The following ZNF462 variants were observed in gnomAD, a reference collection of about 807,000 sequenced individuals.
ZNF462 encodes the protein zinc finger protein 462, also known as zinc finger PBX1-interacting protein.
A neutral mutation model predicts 201.9 loss-of-function variants in ZNF462; 10 were observed. The ratio of observed to expected loss-of-function variants is 0.05; its 90% CI spans 0.03 to 0.08. The LOEUF is 0.08. Ranked by LOEUF, ZNF462 falls within the 10% of genes least tolerant of loss-of-function variation. ZNF462 has a pLI of 1.00. For synonymous variants in ZNF462, 1,227 were observed against 1,193.3 expected (o/e 1.03, Z -0.58); for missense variants, 2,523 against 3,168.3 (o/e 0.80, Z 4.89).
In ZNF462 at chr9:106,974,478, G is replaced by A; in HGVS notation, c.6832+205G>A. On this transcript the variant is annotated intron_variant, in intron 9 of 12. Coordinates refer to ENST00000277225, the MANE Select transcript of ZNF462 (RefSeq NM_021224.6). This position sits in a 1 kb window ranked among gnomAD's most constrained non-coding sequence, Gnocchi z 4.0. Reference sequence around the variant, plus strand: ...TGGGAGTATTTCCTCCACCTGGAGGGAGGCAAAGGTGATGGATTCTGCAGT... The same window carrying A: ...TGGGAGTATTTCCTCCACCTGGAGGAAGGCAAAGGTGATGGATTCTGCAGT... 1.4e-6 allele frequency: 1 copy of A among 708,506 alleles called. No homozygotes were observed. Among genetic ancestry groups the A allele is most frequent in the Non-Finnish European group, 2.4e-6 (1 of 410,114 alleles). The allele number at this position is 708,506 out of a possible 1,614,324, so 43.9% of individuals were successfully genotyped here.
At chr9:106,957,957 C>G (rs1478844226) in intron 7 of ZNF462, among the ~76,000 whole-genome samples, 1 of 152,052 alleles carries the variant, frequency 6.6e-6, no homozygotes, top group Non-Finnish European at 1.5e-5. Context: ...TTCTTTCCTT[C>G]CCATAGGTAG....
rs566662908 is a variant in ZNF462 at position 106,986,195 on chromosome 9, A to G, written c.7056+1786A>G. On this transcript the variant is annotated intron_variant, in intron 10 of 12. Transcript: ENST00000277225. ...GGAAATCCAGAAAATGTTAGAAACCATAGAACCAGAGGGTTCCTCAGCAGT... is the reference window on the plus strand; with the variant it reads ...GGAAATCCAGAAAATGTTAGAAACCGTAGAACCAGAGGGTTCCTCAGCAGT... Among the ~76,000 whole-genome samples, 34 of 152,292 alleles carry G rather than the reference A, an allele frequency of 2.2e-4. No homozygotes were observed. In the East Asian group the frequency reaches 4.4e-3, roughly 20 times the overall value.
Position 106,872,449 on chromosome 9 carries a change from G to C in ZNF462, c.-31+9094G>C, listed in dbSNP as rs1827633803. Among the ~76,000 whole-genome samples, 1 of 152,142 alleles carries C rather than the reference G, an allele frequency of 6.6e-6. No homozygotes were observed. The highest frequency in any genetic ancestry group is 2.1e-4 in the South Asian group (1 of 4,826). On this transcript the variant is annotated intron_variant, in intron 1 of 12. Transcript: ENST00000277225. The surrounding 1 kb of genome is among the most constrained non-coding windows in gnomAD (Gnocchi z 4.5). ...CACGATCTCCACTTAAGCAACTGCT[G>C]CCTCCCAGGTTCAAGCAATTCTCCT...
intron 1 of ZNF462, among the ~76,000 whole-genome samples, chr9:106,864,102 CTCTCTCT>C (rs1564062816): frequency 4.9e-5 from 6 of 123,594 alleles, no homozygotes; most frequent in African/African-American, 1.2e-4. Flanking sequence ...CTCTCTCTCT[CTCTCTCT>C]CCCTCTCCCC....
Position 107,011,122 on chromosome 9 carries a change from A to C in ZNF462, c.*92A>C. ...GGCTGAGAAGGGAGGGACAGAAAAGAGAAGACAGAACAAAGCTGCTTTTTA... is the reference window on the plus strand; with the variant it reads ...GGCTGAGAAGGGAGGGACAGAAAAGCGAAGACAGAACAAAGCTGCTTTTTA... On this transcript the variant is annotated 3_prime_UTR_variant, in exon 13 of 13. Coordinates refer to ENST00000277225, the MANE Select transcript of ZNF462 (RefSeq NM_021224.6). This position sits in a 1 kb window ranked among gnomAD's most constrained non-coding sequence, Gnocchi z 5.6. 7.6e-7 allele frequency: 1 copy of C among 1,315,202 alleles called. No individual in the cohort carries two copies. Among genetic ancestry groups the C allele is most frequent in the Admixed American group, 1.9e-5 (1 of 51,962 alleles). The allele number at this position is 1,315,202 out of a possible 1,614,324, so 81.5% of individuals were successfully genotyped here.
In ZNF462 at chr9:106,938,856, GGCCTTA is replaced by G; in HGVS notation, c.6236-59_6236-54del. 5 of 1,496,204 alleles carry G rather than the reference GGCCTTA, an allele frequency of 3.3e-6. No individual in the cohort carries two copies. The highest frequency in any genetic ancestry group is 4.5e-6 in the Non-Finnish European group (5 of 1,110,562). 92.7% of individuals were successfully genotyped at this position (1,496,204 alleles called of 1,614,324 possible). A position where few individuals can be genotyped will look rare whatever the true frequency, so the allele number is the denominator to read the frequency against. On this transcript the variant is annotated intron_variant, in intron 6 of 12. Coordinates refer to ENST00000277225, the MANE Select transcript of ZNF462 (RefSeq NM_021224.6). The surrounding 1 kb of genome is among the most constrained non-coding windows in gnomAD (Gnocchi z 4.4). ...AACTGAGTTATCTTGTTTCCACCCT[GGCCTTA>G]TACCCTTCTCCCCTCTTTTTCCTGT...
At chr9:106,983,692 T>A (rs1827614099) in intron 9 of ZNF462, among the ~76,000 whole-genome samples, 1 of 152,170 alleles carries the variant, frequency 6.6e-6, no homozygotes, top group Admixed American at 6.5e-5. Flanking sequence ...TGAGAGTAAC[T>A]CCAGCCTCAT....
chr9:106,912,553 A>G (rs984248446), intron 1 of ZNF462, among the ~76,000 whole-genome samples: 4 of 152,310 alleles, frequency 2.6e-5, no homozygotes, highest in Admixed American at 2.0e-4. Flanking sequence ...AATACTGTTG[A>G]ACAACTGACA....
intron 9 of ZNF462, among the ~76,000 whole-genome samples, chr9:106,982,642 A>G (rs985998927): frequency 6.6e-5 from 10 of 152,182 alleles, no homozygotes; most frequent in African/African-American, 2.4e-4. Flanking sequence ...TAAATAAGCA[A>G]CTGATTCTTT....
At chr9:106,892,711 C>T (rs922079043) in intron 1 of ZNF462, among the ~76,000 whole-genome samples, 1 of 151,756 alleles carries the variant, frequency 6.6e-6, no homozygotes, top group Non-Finnish European at 1.5e-5. Flanking sequence ...CACGCACACA[C>T]ACACACACAC....
rs374306108 is a variant in ZNF462, at chr9:106,981,554, T to C, written c.6833-2632T>C. On this transcript the variant is annotated intron_variant, in intron 9 of 12. Coordinates refer to ENST00000277225, the MANE Select transcript of ZNF462 (RefSeq NM_021224.6). The surrounding 1 kb of genome is among the most constrained non-coding windows in gnomAD (Gnocchi z 4.0). ...TGAGAACAAAAAGTTATGTCAAGGG[T>C]AGAACACCTAACGGTGCTTGAACCG... Among the ~76,000 whole-genome samples, 4 of 152,160 alleles carry C rather than the reference T, an allele frequency of 2.6e-5. No homozygotes were observed. The highest frequency in any genetic ancestry group is 9.7e-5 in the African/African-American group (4 of 41,428).
Position 106,920,585 on chromosome 9 carries a change from T to C in ZNF462, c.-30-2769T>C, listed in dbSNP as rs1829950619. On this transcript the variant is annotated intron_variant, in intron 1 of 12. Coordinates refer to ENST00000277225, the MANE Select transcript of ZNF462 (RefSeq NM_021224.6). This position sits in a 1 kb window ranked among gnomAD's most constrained non-coding sequence, Gnocchi z 4.3. ...CAACAACATTAAAGCTAGAACCCAT[T>C]AGGAAATCACTTTCATCATCTCTTC... Among the ~76,000 whole-genome samples, 1 of 152,214 alleles carries C rather than the reference T, an allele frequency of 6.6e-6. No homozygotes were observed.
At chr9:106,967,684 A>T (rs76029975) in intron 7 of ZNF462, among the ~76,000 whole-genome samples, 251 of 152,260 alleles carry the variant, frequency 1.6e-3, no homozygotes, top group African/African-American at 5.9e-3. Context: ...CACTTGAGGA[A>T]TGTTAGAGTG....
At chr9:107,001,099 T>C (rs1829154260) in intron 10 of ZNF462, among the ~76,000 whole-genome samples, 1 of 152,160 alleles carries the variant, frequency 6.6e-6, no homozygotes, top group Admixed American at 6.5e-5. Context: ...TGATTCCTAA[T>C]GGTGAGAAGT....
chr9:106,898,771 G>A (rs539123605), intron 1 of ZNF462, among the ~76,000 whole-genome samples: 4 of 152,136 alleles, frequency 2.6e-5, no homozygotes, highest in Non-Finnish European at 4.4e-5. Context: ...CAATGGTTTT[G>A]TATGGTTTAG....
chr9:106,944,352 T>C (rs982119544), intron 7 of ZNF462, among the ~76,000 whole-genome samples: 4 of 152,200 alleles, frequency 2.6e-5, no homozygotes, highest in Admixed American at 1.3e-4. Context: ...TTTAAAACAA[T>C]ATATTGGTTA....
chr9:106,969,319 G>A (rs573149205), intron 7 of ZNF462, among the ~76,000 whole-genome samples: 13 of 152,326 alleles, frequency 8.5e-5, no homozygotes, highest in African/African-American at 3.1e-4. Flanking sequence ...TTCTTGGAAT[G>A]CTTTTCCCGT....
chr9:107,001,139 C>G (rs921139217), intron 10 of ZNF462, among the ~76,000 whole-genome samples: 1 of 152,114 alleles, frequency 6.6e-6, no homozygotes, highest in Non-Finnish European at 1.5e-5. Flanking sequence ...GAAAGGCTGC[C>G]TTTTATGTGC....
rs1306278100 is a variant in ZNF462, at chr9:106,954,505, T to C, written c.6427+15398T>C. Among the ~76,000 whole-genome samples the C allele has an allele frequency of 1.3e-5, 2 of 150,694 alleles. No homozygotes were observed. The highest frequency in any genetic ancestry group is 6.6e-5 in the Admixed American group (1 of 15,138). On this transcript the variant is annotated intron_variant, in intron 7 of 12. Coordinates refer to ENST00000277225, the MANE Select transcript of ZNF462 (RefSeq NM_021224.6). This position sits in a 1 kb window ranked among gnomAD's most constrained non-coding sequence, Gnocchi z 4.0. Reference sequence around the variant, plus strand: ...CAGAACCAAACCATATCAGCCTGTTTAAAAGAGGAAAAAAAAAAAAAACTC... The same window carrying C: ...CAGAACCAAACCATATCAGCCTGTTCAAAAGAGGAAAAAAAAAAAAAACTC...
Sources: gnomAD v4.1 joint callset for allele counts (sites outside exome capture counted in the v4.1 genomes callset) on GRCh38, gnomAD v4.1.1 for gene constraint, Gnocchi (gnomAD v3.1) non-coding constraint, MANE v1.5 for transcripts, NCBI Gene and HGNC (gene_info 2026-07-23, HGNC 2026-07-21) for gene names.